The following KSR2 variants were observed in gnomAD, a reference collection of about 807,000 sequenced individuals.
The protein encoded by KSR2 is kinase suppressor of ras 2.
Under a neutral mutation model 107.8 loss-of-function variants are expected in KSR2, and 25 were observed. The ratio of observed to expected loss-of-function variants is 0.23; its 90% CI spans 0.17 to 0.32. The LOEUF (loss-of-function observed/expected upper bound fraction) is 0.32, where lower values mean the gene tolerates loss of function less well. Among genes scored for constraint, KSR2 ranks in the 10% least tolerant of loss-of-function variants. KSR2 has a pLI of 1.00. For synonymous variants in KSR2, 480 were observed against 507.0 expected (o/e 0.95, Z 0.71); for missense variants, 887 against 1,268.9 (o/e 0.70, Z 4.57).
At chr12:117,654,556 C>T (rs565693084) in intron 5 of KSR2, among the ~76,000 whole-genome samples, 4 of 152,238 alleles carry the variant, frequency 2.6e-5, no homozygotes, top group African/African-American at 9.6e-5. Flanking sequence ...GGCAGAACTT[C>T]GAGCAGTGCA....
intron 4 of KSR2, among the ~76,000 whole-genome samples, chr12:117,733,533 A>G (rs1035233657): frequency 1.3e-5 from 2 of 152,182 alleles, no homozygotes; most frequent in African/African-American, 4.8e-5. Flanking sequence ...CACACTGTCT[A>G]CGGCTGCTTT....
intron 1 of KSR2, among the ~76,000 whole-genome samples, chr12:117,926,153 C>T (rs980964159): frequency 1.3e-5 from 2 of 152,128 alleles, no homozygotes; most frequent in African/African-American, 2.4e-5. Context: ...GCCGAGTTCA[C>T]GCCCCTGCAA....
At chr12:117,847,679 G>A (rs974695866) in intron 3 of KSR2, among the ~76,000 whole-genome samples, 4 of 152,166 alleles carry the variant, frequency 2.6e-5, no homozygotes, top group Non-Finnish European at 4.4e-5. Flanking sequence ...CCTTGCCATG[G>A]CCCACCGTGG....
intron 3 of KSR2, 93 bp from the exon 4 acceptor site, chr12:117,761,617 C>T (rs1054687448): frequency 2.5e-6 from 3 of 1,176,556 alleles, no homozygotes; most frequent in South Asian, 2.5e-5. Context: ...ACACACATTA[C>T]ACCACGTGCC....
chr12:117,664,601 T>C (rs1373496091), intron 5 of KSR2, among the ~76,000 whole-genome samples: 1 of 152,042 alleles, frequency 6.6e-6, no homozygotes, highest in East Asian at 1.9e-4. Context: ...AGCATTCTAA[T>C]TGCATCAAAA....
At chr12:117,910,597 G>A (rs149521908) in intron 1 of KSR2, among the ~76,000 whole-genome samples, 4 of 152,286 alleles carry the variant, frequency 2.6e-5, no homozygotes, top group Non-Finnish European at 5.9e-5. Context: ...CTTTGCTTTA[G>A]AAAAGCTTCA....
intron 1 of KSR2, among the ~76,000 whole-genome samples, chr12:117,940,538 T>C (rs965802174): frequency 6.6e-6 from 1 of 152,214 alleles, no homozygotes; most frequent in African/African-American, 2.4e-5. Flanking sequence ...TTCCCAGGGA[T>C]TGAATTCAGT....
chr12:117,742,524 A>ATGGG (rs1162777673), intron 4 of KSR2, among the ~76,000 whole-genome samples: 4 of 128,008 alleles, frequency 3.1e-5, no homozygotes, highest in African/African-American at 1.2e-4. Flanking sequence ...GGATGGATGG[A>ATGGG]TGGATGGGTG....
intron 3 of KSR2, among the ~76,000 whole-genome samples, chr12:117,817,833 G>C (rs547009228): frequency 3.3e-5 from 5 of 152,208 alleles, no homozygotes; most frequent in Admixed American, 3.3e-4. Flanking sequence ...GGGCGCGGTG[G>C]CTCACACCTG....
intron 9 of KSR2, among the ~76,000 whole-genome samples, chr12:117,549,833 G>C (rs1473452371): frequency 6.6e-6 from 1 of 152,170 alleles, no homozygotes; most frequent in Non-Finnish European, 1.5e-5. Flanking sequence ...TAGAGGGAAA[G>C]AGGGAGAGAA....
chr12:117,615,583 G>C (rs1024951627), intron 5 of KSR2, among the ~76,000 whole-genome samples: 3 of 152,100 alleles, frequency 2.0e-5, no homozygotes, highest in Admixed American at 2.0e-4. Context: ...GAAACTCAAG[G>C]AGACCAATAG....
intron 1 of KSR2, among the ~76,000 whole-genome samples, chr12:117,865,228 CTG>C (rs1893432718): frequency 6.6e-6 from 1 of 152,082 alleles, no homozygotes; most frequent in Non-Finnish European, 1.5e-5. Flanking sequence ...GGATAGAAAA[CTG>C]TGTCTTCCTA....
At chr12:117,793,902 GCA>G (rs1297010595) in intron 3 of KSR2, among the ~76,000 whole-genome samples, 6 of 127,990 alleles carry the variant, frequency 4.7e-5, no homozygotes, top group East Asian at 2.4e-4. Context: ...ACACCAACAT[GCA>G]CACTCACACC....
chr12:117,632,218 C>CTTTTTTTTT (rs544594793), intron 5 of KSR2, among the ~76,000 whole-genome samples: 4 of 84,062 alleles, frequency 4.8e-5, no homozygotes, highest in African/African-American at 9.6e-5. Flanking sequence ...AGTCCTACTC[C>CTTTTTTTTT]TTTTTTTTTT....
intron 3 of KSR2, among the ~76,000 whole-genome samples, chr12:117,771,790 T>C (rs979782921): frequency 6.6e-6 from 1 of 152,122 alleles, no homozygotes; most frequent in Non-Finnish European, 1.5e-5. Flanking sequence ...CATGGCATCC[T>C]GCAGCTGAGC....
At position 117,597,378 on chromosome 12, in the gene KSR2, C is replaced by A. The variant is rs79153072; in HGVS notation, c.1172-15019G>T. Among the ~76,000 whole-genome samples the A allele has an allele frequency of 5.8e-3, 887 of 152,252 alleles. 6 individuals carry two copies. The highest frequency in any genetic ancestry group is 0.02 in the African/African-American group (817 of 41,534). On this transcript the variant is annotated intron_variant, in intron 5 of 19. Transcript: ENST00000339824. ...AAAAGGGACTTTGAAGATGTGATTA[C>A]ATAAAAGATCTTGTGATGGGGAATC...
intron 10 of KSR2, among the ~76,000 whole-genome samples, chr12:117,534,088 C>T (rs1875854643): frequency 6.6e-6 from 1 of 152,000 alleles, no homozygotes; most frequent in African/African-American, 2.4e-5. Context: ...TGACTCAGGA[C>T]CTGGGAGGCT....
Position 117,848,833 on chromosome 12 carries a change from T to TAACAAC in KSR2, c.472+6594_472+6595insGTTGTT, listed in dbSNP as rs1555249521. ...TGATGGTGGTGGGTGGTGATGGTGG[T>TAACAAC]AGTGGTGGTGATGGTGATGATGGTG... is the stretch of plus-strand genomic sequence containing the variant. On this transcript the variant is annotated intron_variant, in intron 3 of 19. Transcript: ENST00000339824. Among the ~76,000 whole-genome samples, 571 of 132,534 alleles carry TAACAAC rather than the reference T, an allele frequency of 4.3e-3. 4 individuals are homozygous for TAACAAC. Among genetic ancestry groups the TAACAAC allele is most frequent in the South Asian group, 0.011 (41 of 3,584 alleles). The allele number at this position is 132,534 out of a possible 152,430, so 86.9% of individuals were successfully genotyped here.
At chr12:117,554,615 G>A (rs1877530968) in intron 9 of KSR2, among the ~76,000 whole-genome samples, 1 of 152,138 alleles carries the variant, frequency 6.6e-6, no homozygotes, top group Non-Finnish European at 1.5e-5. Flanking sequence ...TCGTGATGGG[G>A]AATAAGCCTC....
Sources: gnomAD v4.1 joint callset for allele counts (sites outside exome capture counted in the v4.1 genomes callset) on GRCh38, gnomAD v4.1.1 for gene constraint, MANE v1.5 for transcripts, NCBI Gene and HGNC (gene_info 2026-07-23, HGNC 2026-07-21) for gene names.